ITGA9: variants seen among roughly 807,000 people sequenced by gnomAD.
ITGA9 encodes integrin subunit alpha 9, also known as integrin alpha-9.
In ITGA9, 56 loss-of-function variants were observed where a neutral mutation model predicts 127.8. The ratio of observed to expected loss-of-function variants is 0.44; its 90% confidence interval spans 0.35 to 0.55. The LOEUF (loss-of-function observed/expected upper bound fraction) is 0.55. ITGA9 is among the 20% of genes least tolerant of loss of function. The pLI is 0.00. For missense variants in ITGA9, 1,196 were observed against 1,347.1 expected (o/e 0.89, Z 1.76); for synonymous variants, 508 against 514.5 (o/e 0.99, Z 0.17).
chr3:37,458,811 T>G (rs1698286930), intron 1 of ITGA9, among the ~76,000 whole-genome samples: 1 of 152,204 alleles, frequency 6.6e-6, no homozygotes, highest in Non-Finnish European at 1.5e-5. Context: ...CTGAGCAATC[T>G]TGCCACCAGC....
At chr3:37,710,429 A>G (rs1701067119) in intron 18 of ITGA9, among the ~76,000 whole-genome samples, 1 of 151,990 alleles carries the variant, frequency 6.6e-6, no homozygotes, top group South Asian at 2.1e-4. Flanking sequence ...AATAGAGAAC[A>G]ATAAAAGATA....
At chr3:37,803,561 G>C (rs1181024736) in intron 26 of ITGA9, among the ~76,000 whole-genome samples, 1 of 152,170 alleles carries the variant, frequency 6.6e-6, no homozygotes, top group East Asian at 1.9e-4. Context: ...GAGGTGGGTG[G>C]ATCACCTGAG....
intron 16 of ITGA9, among the ~76,000 whole-genome samples, chr3:37,652,100 A>C (rs1246492446): frequency 6.6e-6 from 1 of 151,426 alleles, no homozygotes; most frequent in African/African-American, 2.4e-5. Flanking sequence ...CCTGAGGCTT[A>C]TATAGTAGAG....
intron 1 of ITGA9, among the ~76,000 whole-genome samples, chr3:37,461,456 GA>G (rs371771589): frequency 2.1e-3 from 316 of 152,332 alleles, no homozygotes; most frequent in African/African-American, 7.5e-3. Flanking sequence ...GCAAAGCCCA[GA>G]GCACAACACG....
intron 5 of ITGA9, 95 bp from the exon 6 acceptor site, chr3:37,503,083 G>A (rs998742989): frequency 5.5e-6 from 8 of 1,450,408 alleles, no homozygotes; most frequent in Non-Finnish European, 4.8e-6. Context: ...TTGGTGTGAG[G>A]AATTTCTCCT....
intron 24 of ITGA9, 53 bp downstream of exon 24, chr3:37,777,570 C>T (rs1696923913): frequency 1.3e-6 from 2 of 1,585,030 alleles, no homozygotes; most frequent in Admixed American, 3.3e-5. Context: ...ACTCGGAAGA[C>T]ACCAGTTTTC....
chr3:37,763,607 C>T (rs1696746622), intron 23 of ITGA9, among the ~76,000 whole-genome samples: 1 of 152,318 alleles, frequency 6.6e-6, no homozygotes. Flanking sequence ...AAAGCCTGCA[C>T]ATTTCACATC....
At chr3:37,780,303 C>T (rs972805707) in intron 25 of ITGA9, among the ~76,000 whole-genome samples, 1 of 152,018 alleles carries the variant, frequency 6.6e-6, no homozygotes, top group Non-Finnish European at 1.5e-5. Flanking sequence ...AACTTTTCAA[C>T]CCTCACCCCC....
At position 37,452,567 on chromosome 3, in the gene ITGA9, C is replaced by T; in HGVS notation, c.185+8C>T. Reference sequence around the variant, plus strand: ...CCACGACAACACGCGCTGGTGAGTGCCCGCCCGACTCCGCGACCCTGGCCC... The same window carrying T: ...CCACGACAACACGCGCTGGTGAGTGTCCGCCCGACTCCGCGACCCTGGCCC... On this transcript the variant is annotated splice_region_variant and intron_variant, in intron 1 of 27. Transcript: ENST00000264741. This position sits in a 1 kb window ranked among gnomAD's most constrained non-coding sequence, Gnocchi z 7.3. 6.6e-7 allele frequency: 1 copy of T among 1,510,244 alleles called. No homozygotes were observed. The highest frequency in any genetic ancestry group is 8.9e-7 in the Non-Finnish European group (1 of 1,128,098). 93.6% of individuals were successfully genotyped at this position (1,510,244 alleles called of 1,614,324 possible).
intron 26 of ITGA9, among the ~76,000 whole-genome samples, chr3:37,794,885 C>T (rs1285706851): frequency 3.9e-5 from 6 of 152,144 alleles, no homozygotes; most frequent in Non-Finnish European, 8.8e-5. Context: ...TCATTTATGT[C>T]GTCTCCATAA....
In ITGA9 at chr3:37,597,043, C is replaced by A. The variant is rs550059640; in HGVS notation, c.1690-32144C>A. On this transcript the variant is annotated intron_variant, in intron 15 of 27. Coordinates refer to ENST00000264741, the MANE Select transcript of ITGA9 (RefSeq NM_002207.3). This position sits in a 1 kb window ranked among gnomAD's most constrained non-coding sequence, Gnocchi z 4.6. ...AGGGGGTGAGAGGAAGTGACTGCAG[C>A]TTTTTTATCTCCCACTTCCCACCCT... is the stretch of plus-strand genomic sequence containing the variant. Among the ~76,000 whole-genome samples, 1 of 152,266 alleles carries A rather than the reference C, an allele frequency of 6.6e-6. No homozygotes were observed. The highest frequency in any genetic ancestry group is 2.4e-5 in the African/African-American group (1 of 41,556).
In ITGA9 at chr3:37,734,923, T is replaced by C. The variant is rs540281663; in HGVS notation, c.2155-1981T>C. Among the ~76,000 whole-genome samples the C allele has an allele frequency of 7.9e-5, 12 of 152,280 alleles. No homozygotes were observed. The East Asian group carries it at 2.3e-3, about 29-fold the overall frequency. On this transcript the variant is annotated intron_variant, in intron 19 of 27. Coordinates refer to ENST00000264741, the MANE Select transcript of ITGA9 (RefSeq NM_002207.3). ...AAGCAAGACTGACTAAACCTGGGGATTGGGGGGCATGGGAGCAGAGGGTGA... is the reference window on the plus strand; with the variant it reads ...AAGCAAGACTGACTAAACCTGGGGACTGGGGGGCATGGGAGCAGAGGGTGA...
chr3:37,649,592 G>C (rs1052939948), intron 16 of ITGA9, among the ~76,000 whole-genome samples: 1 of 152,126 alleles, frequency 6.6e-6, no homozygotes, highest in Non-Finnish European at 1.5e-5. Flanking sequence ...TCTGCAAGGA[G>C]AAATTGATAG....
intron 18 of ITGA9, among the ~76,000 whole-genome samples, chr3:37,688,803 G>T (rs562570549): frequency 6.6e-6 from 1 of 151,028 alleles, no homozygotes; most frequent in African/African-American, 2.4e-5. Flanking sequence ...CCACAGAATA[G>T]ATGGATGGAT....
At chr3:37,488,192 G>A (rs761558780) in intron 4 of ITGA9, among the ~76,000 whole-genome samples, 2 of 152,084 alleles carry the variant, frequency 1.3e-5, no homozygotes, top group African/African-American at 2.4e-5. Context: ...CTTCTTATGC[G>A]CCAGGACAAC....
At chr3:37,465,868 T>C (rs951812406) in intron 1 of ITGA9, among the ~76,000 whole-genome samples, 40 of 152,154 alleles carry the variant, frequency 2.6e-4, no homozygotes, top group African/African-American at 9.4e-4. Flanking sequence ...GAGGGGGCAC[T>C]GGGTACCTGT....
At chr3:37,753,000 G>A (rs1459103016) in intron 23 of ITGA9, among the ~76,000 whole-genome samples, 2 of 152,116 alleles carry the variant, frequency 1.3e-5, no homozygotes, top group Admixed American at 6.5e-5. Flanking sequence ...GTGGCCTGAG[G>A]AAAGACTATC....
At chr3:37,604,325 G>GTA (rs1166652033) in intron 15 of ITGA9, among the ~76,000 whole-genome samples, 1 of 152,186 alleles carries the variant, frequency 6.6e-6, no homozygotes, top group Non-Finnish European at 1.5e-5. Flanking sequence ...CATTTTTCTA[G>GTA]TTTTTCTAGT....
chr3:37,505,851 GAGA>G, intron 6 of ITGA9, 146 bp from the exon 7 acceptor site: 1 of 700,414 alleles, frequency 1.4e-6, no homozygotes, highest in Non-Finnish European at 2.6e-6. Context: ...ATTTCAGCAT[GAGA>G]AGGTTGACAG....
Sources: allele counts gnomAD v4.1 joint callset (sites outside exome capture counted in the v4.1 genomes callset), GRCh38; gene constraint gnomAD v4.1.1; non-coding constraint Gnocchi (gnomAD v3.1); transcripts MANE v1.5; gene names NCBI Gene and HGNC (gene_info 2026-07-23, HGNC 2026-07-21).